The following FGGY variants were observed in gnomAD, a reference collection of about 807,000 sequenced individuals.
FGGY encodes the protein FGGY carbohydrate kinase domain containing.
FGGY carries 72 observed loss-of-function variants against 71.3 expected under a neutral mutation model. The observed-to-expected ratio is 1.01, with a 90% CI of 0.84 to 1.23. The LOEUF (loss-of-function observed/expected upper bound fraction) is 1.23. FGGY is among the 50% of genes most tolerant of loss of function. FGGY has a pLI of 0.00. For synonymous variants in FGGY, 251 were observed against 250.3 expected, an observed-to-expected ratio of 1.00 and a Z score of -0.02; for missense variants, 668 against 682.3, an observed-to-expected ratio of 0.98 and a Z score of 0.23.
chr1:59,716,134 G>T (rs955430013), intron 14 of FGGY, among the ~76,000 whole-genome samples: 6 of 152,188 alleles, frequency 3.9e-5, no homozygotes, highest in Non-Finnish European at 5.9e-5. Flanking sequence ...GCTGGTAACA[G>T]GTAGGACTAG....
intron 11 of FGGY, among the ~76,000 whole-genome samples, chr1:59,644,919 G>A (rs534086598): frequency 2.2e-4 from 33 of 151,960 alleles, no homozygotes; most frequent in African/African-American, 7.5e-4. Flanking sequence ...AGAGGTTGCC[G>A]TGGGCTGAGA....
Position 59,681,861 on chromosome 1 carries a change from T to A in FGGY, c.1512+7728T>A, listed in dbSNP as rs74086301. The stretch of plus-strand genomic sequence containing the variant: ...AAAAAGTTTGAGGTTCGATTCAGAG[T>A]GTGGAAGGTACAGTGTCTTAAAAGA... On this transcript the variant is annotated intron_variant, in intron 14 of 15. Transcript: ENST00000303721. Among the ~76,000 whole-genome samples the A allele has an allele frequency of 5.0e-3, 761 of 151,508 alleles. 4 individuals are homozygous for A. The highest frequency in any genetic ancestry group is 0.018 in the African/African-American group (724 of 41,242).
intron 6 of FGGY, among the ~76,000 whole-genome samples, chr1:59,461,889 A>G (rs935649272): frequency 1.3e-5 from 2 of 151,746 alleles, no homozygotes; most frequent in Non-Finnish European, 2.9e-5. Context: ...GGTTAGTTAC[A>G]TATGTATACA....
intron 12 of FGGY, among the ~76,000 whole-genome samples, chr1:59,663,786 T>TATCC (rs1264697972): frequency 6.6e-6 from 1 of 152,200 alleles, no homozygotes. Context: ...AATGTGCATT[T>TATCC]TAATGAGGTA....
rs191610698 is a variant in FGGY at position 59,595,464 on chromosome 1, G to A, written c.904-12339G>A. Among the ~76,000 whole-genome samples the A allele has an allele frequency of 1.4e-3, 216 of 152,248 alleles. 3 individuals carry two copies. Among genetic ancestry groups the A allele is most frequent in the African/African-American group, 4.8e-3 (201 of 41,532 alleles). Reference sequence around the variant, plus strand: ...CCAGCACTTTAGGAGACCAAGGTGGGCAGATCACAAGGTCAGGAGTTCGAG... The same window carrying A: ...CCAGCACTTTAGGAGACCAAGGTGGACAGATCACAAGGTCAGGAGTTCGAG... On this transcript the variant is annotated intron_variant, in intron 8 of 15. Coordinates refer to ENST00000303721, the MANE Select transcript of FGGY (RefSeq NM_018291.5).
At chr1:59,457,976 A>G (rs1437299420) in intron 6 of FGGY, among the ~76,000 whole-genome samples, 1 of 152,192 alleles carries the variant, frequency 6.6e-6, no homozygotes, top group Non-Finnish European at 1.5e-5. Flanking sequence ...ACTACTGACA[A>G]AAGCACTGTT....
chr1:59,714,449 C>A (rs779927263), intron 14 of FGGY, among the ~76,000 whole-genome samples: 8 of 152,176 alleles, frequency 5.3e-5, no homozygotes, highest in Admixed American at 5.2e-4. Flanking sequence ...AAGCTAGTTT[C>A]TTTCCTTTGA....
At chr1:59,388,146 A>T (rs1183095611) in intron 5 of FGGY, among the ~76,000 whole-genome samples, 1 of 151,844 alleles carries the variant, frequency 6.6e-6, no homozygotes, top group Non-Finnish European at 1.5e-5. Context: ...CATACATAGG[A>T]GTTGGGGCAG....
intron 14 of FGGY, among the ~76,000 whole-genome samples, chr1:59,748,114 T>G (rs758876158): frequency 6.6e-6 from 1 of 152,060 alleles, no homozygotes; most frequent in Non-Finnish European, 1.5e-5. Flanking sequence ...TCAATAAACT[T>G]GCACTTTCAC....
At position 59,321,205 on chromosome 1, in the gene FGGY, T is replaced by C. The variant is rs558737986; in HGVS notation, c.-14-331T>C. Among the ~76,000 whole-genome samples the C allele has an allele frequency of 5.9e-5, 9 of 152,302 alleles. No individual in the cohort carries two copies. In the South Asian group the frequency reaches 1.9e-3, roughly 32 times the overall value. ...TTCACTGAGAAGAAACTCATCTCCA[T>C]TGCCTCCAGATTCTAAGTTCTCCTA... On this transcript the variant is annotated intron_variant, in intron 1 of 15. Coordinates refer to ENST00000303721, the MANE Select transcript of FGGY (RefSeq NM_018291.5).
At chr1:59,354,781 A>G (rs532921009) in intron 4 of FGGY, among the ~76,000 whole-genome samples, 1 of 152,348 alleles carries the variant, frequency 6.6e-6, no homozygotes, top group South Asian at 2.1e-4. Flanking sequence ...CAGAAAATAG[A>G]CACACACAAA....
intron 8 of FGGY, among the ~76,000 whole-genome samples, chr1:59,564,872 G>A (rs1329123235): frequency 6.6e-6 from 1 of 152,180 alleles, no homozygotes; most frequent in Non-Finnish European, 1.5e-5. Flanking sequence ...AGGAACAAAA[G>A]CCTTTAGGGG....
intron 6 of FGGY, among the ~76,000 whole-genome samples, chr1:59,487,115 G>A (rs1437745437): frequency 1.3e-5 from 2 of 152,174 alleles, no homozygotes; most frequent in Non-Finnish European, 2.9e-5. Flanking sequence ...AGGGTCAGAT[G>A]TAGCAAAAGG....
intron 1 of FGGY, among the ~76,000 whole-genome samples, chr1:59,313,580 A>G (rs1036562649): frequency 1.3e-5 from 2 of 152,024 alleles, no homozygotes; most frequent in African/African-American, 2.4e-5. Context: ...ACACACACAC[A>G]CACGCACGCA....
chr1:59,574,718 T>C (rs2096049974), intron 8 of FGGY, among the ~76,000 whole-genome samples: 1 of 152,190 alleles, frequency 6.6e-6, no homozygotes, highest in African/African-American at 2.4e-5. Context: ...ATGAATTACA[T>C]TGAATTTTCT....
intron 7 of FGGY, among the ~76,000 whole-genome samples, chr1:59,518,834 C>T (rs1283083906): frequency 6.6e-6 from 1 of 152,212 alleles, no homozygotes; most frequent in African/African-American, 2.4e-5. Context: ...ACTCTGTCTT[C>T]TATAAACTGT....
At position 59,440,911 on chromosome 1, in the gene FGGY, G is replaced by C. The variant is rs191744028; in HGVS notation, c.555-16050G>C. Among the ~76,000 whole-genome samples, 181 of 151,882 alleles carry C rather than the reference G, an allele frequency of 1.2e-3. 1 individual carries two copies. The highest frequency in any genetic ancestry group is 3.4e-3 in the Middle Eastern group (1 of 294). On this transcript the variant is annotated intron_variant, in intron 5 of 15. Coordinates refer to ENST00000303721, the MANE Select transcript of FGGY (RefSeq NM_018291.5). ...ACCCATTCAAGATACTCTTGAGTTT[G>C]TTTCAGCCAGAGAACGGACAAACAA...
At chr1:59,561,984 TAC>T (rs2095799400) in intron 8 of FGGY, among the ~76,000 whole-genome samples, 1 of 131,442 alleles carries the variant, frequency 7.6e-6, no homozygotes, top group African/African-American at 3.9e-5. Flanking sequence ...TAAGATTCTC[TAC>T]TACTCCTACT....
chr1:59,666,031 C>T (rs2097322400), intron 12 of FGGY, among the ~76,000 whole-genome samples: 1 of 152,110 alleles, frequency 6.6e-6, no homozygotes, highest in African/African-American at 2.4e-5. Context: ...AGCTAAAACA[C>T]CTCCTCTCCC....
Sources: gnomAD v4.1 joint callset for allele counts (sites outside exome capture counted in the v4.1 genomes callset) on GRCh38, gnomAD v4.1.1 for gene constraint, MANE v1.5 for transcripts, NCBI Gene and HGNC (gene_info 2026-07-23, HGNC 2026-07-21) for gene names.